Variants in RPP40 observed in about 807,000 individuals in gnomAD.
RPP40 encodes ribonuclease P/MRP subunit p40.
Under a neutral mutation model 42.5 loss-of-function variants are expected in RPP40, and 30 were observed. The ratio of observed to expected loss-of-function variants is 0.71; its 90% CI spans 0.53 to 0.96. RPP40 has a LOEUF of 0.96. RPP40 is among the 40% of genes least tolerant of loss of function. The pLI is 0.00. For missense variants in RPP40, 426 were observed against 433.5 expected, an observed-to-expected ratio of 0.98 and a Z score of 0.15; for synonymous variants, 173 against 164.0, an observed-to-expected ratio of 1.05 and a Z score of -0.42.
At chr6:4,993,692 G>A (rs751535951), downstream of RPP40, among the ~76,000 whole-genome samples, 15 of 152,252 alleles carry the variant, frequency 9.9e-5, no homozygotes, top group Middle Eastern at 6.8e-3. Flanking sequence ...TATCCAGGTG[G>A]TGCAAACAAG....
intron 5 of RPP40, 27 bp from the exon 6 acceptor site, chr6:4,996,447 T>G: frequency 6.2e-7 from 1 of 1,608,676 alleles, no homozygotes; most frequent in Non-Finnish European, 8.5e-7. Flanking sequence ...ACAAGGCCAT[T>G]TGAATCCATC....
downstream of RPP40, among the ~76,000 whole-genome samples, chr6:4,992,461 G>A (rs368604666): frequency 8.6e-5 from 13 of 151,882 alleles, no homozygotes; most frequent in East Asian, 2.3e-3. Flanking sequence ...TTTCTTTATG[G>A]CAGTGCGAGA....
chr6:4,988,999 A>C, the RPP40 span, among the ~76,000 whole-genome samples: 4 of 152,084 alleles, frequency 2.6e-5, no homozygotes. Flanking sequence ...ACTATCTTTT[A>C]CCATTCTAAT....
downstream of RPP40, among the ~76,000 whole-genome samples, chr6:4,990,086 G>A (rs1000615195): frequency 6.6e-6 from 1 of 152,166 alleles, no homozygotes; most frequent in African/African-American, 2.4e-5. Context: ...AGATGCCCTT[G>A]ATCAGATTGA....
At chr6:4,991,699 T>C (rs1759263582), downstream of RPP40, among the ~76,000 whole-genome samples, 1 of 152,218 alleles carries the variant, frequency 6.6e-6, no homozygotes, top group Admixed American at 6.5e-5. Context: ...AGCTTTGTTA[T>C]GAGGTGTGTG....
chr6:4,995,922 G>A (rs373103914), intron 7 of RPP40, 29 bp downstream of exon 7: 9 of 1,608,316 alleles, frequency 5.6e-6, no homozygotes, highest in African/African-American at 1.3e-5. Context: ...GAGCACTGAT[G>A]AGCGATATAA....
chr6:4,995,304 G>A (rs1759339728), intron 7 of RPP40, 28 bp from the exon 8 acceptor site: 1 of 1,536,912 alleles, frequency 6.5e-7, no homozygotes, highest in Admixed American at 1.8e-5. Flanking sequence ...GTTAAACAGA[G>A]TTTTAAAAGA....
At chr6:5,003,368 G>GAAAA (rs1491464485) in intron 1 of RPP40, among the ~76,000 whole-genome samples, 6 of 123,458 alleles carry the variant, frequency 4.9e-5, no homozygotes, top group Non-Finnish European at 9.8e-5. Flanking sequence ...AAAAAAAAAA[G>GAAAA]GAAAATCAGT....
chr6:5,000,259 C>A (rs1300712598), intron 3 of RPP40, among the ~76,000 whole-genome samples: 1 of 152,040 alleles, frequency 6.6e-6, no homozygotes, highest in Non-Finnish European at 1.5e-5. Context: ...GCAATCTTGG[C>A]TCACTGCAAC....
chr6:4,999,661 A>G, intron 4 of RPP40, 148 bp downstream of exon 4: 3 of 582,128 alleles, frequency 5.2e-6, no homozygotes, highest in Non-Finnish European at 9.3e-6. Flanking sequence ...GCATCATCCT[A>G]TCCTCTGTGA....
At chr6:4,996,476 T>G (rs1375160082) in intron 5 of RPP40, 56 bp from the exon 6 acceptor site, 1 of 1,545,912 alleles carries the variant, frequency 6.5e-7, no homozygotes, top group East Asian at 2.2e-5. Context: ...GTAAGCAAGT[T>G]TAGTGAATAC....
rs1403340937 is a variant in RPP40 at position 5,003,780 on chromosome 6, C to G, written c.123+100G>C. On this transcript the variant is annotated intron_variant, in intron 1 of 7. Coordinates refer to ENST00000380051, the MANE Select transcript of RPP40 (RefSeq NM_006638.4). ...GCGAGGGCCCCGCCCCTCCGCGTAC[C>G]GCCGGCGGCCCCGCCCCGCGAAGCC... 3.5e-6 allele frequency: 5 copies of G among 1,423,136 alleles called. No homozygotes were observed. The South Asian group carries it at 4.3e-5, about 12-fold the overall frequency. The allele number at this position is 1,423,136 out of a possible 1,614,324, so 88.2% of individuals were successfully genotyped here. A position where few individuals can be genotyped will look rare whatever the true frequency, so the allele number is the denominator to read the frequency against.
At chr6:5,001,973 G>A in intron 2 of RPP40, 128 bp downstream of exon 2, 1 of 766,348 alleles carries the variant, frequency 1.3e-6, no homozygotes, top group South Asian at 2.1e-5. Context: ...GAGAACGCGT[G>A]TGCACCTGAC....
intron 2 of RPP40, chr6:5,001,819 C>A: frequency 3.7e-6 from 1 of 273,172 alleles, no homozygotes. Flanking sequence ...ACACAGACTG[C>A]AAGTCTCTCC....
chr6:4,994,244 T>G (rs1284587357), downstream of RPP40, among the ~76,000 whole-genome samples: 1 of 82,834 alleles, frequency 1.2e-5, no homozygotes, highest in Non-Finnish European at 2.3e-5. Context: ...CGGGGCCTGT[T>G]GTGGGGTGGG....
At position 4,998,821 on chromosome 6, in the gene RPP40, C is replaced by T; in HGVS notation, c.454G>A (p.Glu152Lys). 6.9e-7 allele frequency: 1 copy of T among 1,449,016 alleles called. No individual in the cohort carries two copies. Among genetic ancestry groups the T allele is most frequent in the Non-Finnish European group, 9.4e-7 (1 of 1,061,502 alleles). 89.8% of individuals were successfully genotyped at this position (1,449,016 alleles called of 1,614,324 possible). Residue 152 changes from glutamate (E) to lysine (K), a missense_variant, in exon 5 of 8, where the codon GAA (glutamate) becomes AAA (lysine). Coordinates refer to ENST00000380051, the MANE Select transcript of RPP40 (RefSeq NM_006638.4). ...TTAGAATCCAAGTTTAAGGATAATT[C>T]CATCAAATCAATGGAAACAACTTTA... Reference protein sequence around the residue: ...MKFIVSIDLMELSLNLDSKKY... With the variant: ...MKFIVSIDLMKLSLNLDSKKY...
At chr6:4,998,166 T>C (rs1213654775) in intron 5 of RPP40, among the ~76,000 whole-genome samples, 1 of 152,174 alleles carries the variant, frequency 6.6e-6, no homozygotes, top group Non-Finnish European at 1.5e-5. Context: ...GATGACTTGA[T>C]CCATTATTAT....
downstream of RPP40, among the ~76,000 whole-genome samples, chr6:4,993,604 T>A (rs2127538750): frequency 6.6e-6 from 1 of 152,310 alleles, no homozygotes; most frequent in African/African-American, 2.4e-5. Context: ...AGACAATCTG[T>A]TTTGCTTCTG....
chr6:4,998,760 T>G lies in RPP40; in HGVS notation c.515A>C (p.Lys172Thr). The change falls in exon 5 of 8, where the codon AAG becomes ACG. Residue 172 changes from lysine (K) to threonine (T), a missense_variant. By Grantham distance (78) the Lys-to-Thr change is moderately conservative. Coordinates refer to ENST00000380051, the MANE Select transcript of RPP40 (RefSeq NM_006638.4). The stretch of plus-strand genomic sequence containing the variant: ...AAGAAAATCAAATTTCAATGGCTTC[T>G]TTTCTTTGAAAGACCAAGATATTCT... ...YERISWSFKE[K>T]KPLKFDFLLA... 1 of 1,564,254 alleles carries G rather than the reference T, an allele frequency of 6.4e-7. No homozygotes were observed. Among genetic ancestry groups the G allele is most frequent in the Middle Eastern group, 1.7e-4 (1 of 5,890 alleles).
Sources: allele counts gnomAD v4.1 joint callset (sites outside exome capture counted in the v4.1 genomes callset), GRCh38; gene constraint gnomAD v4.1.1; transcripts MANE v1.5; gene names NCBI Gene and HGNC (gene_info 2026-07-23, HGNC 2026-07-21).